The following SPTLC1 variants were observed in gnomAD, a reference collection of about 807,000 sequenced individuals.
SPTLC1 encodes the protein serine palmitoyltransferase long chain base subunit 1.
SPTLC1 carries 55 observed loss-of-function variants against 68.9 expected under a neutral mutation model. That is an observed-to-expected ratio of 0.80 (90% CI 0.64 to 1.00). SPTLC1 has a LOEUF of 1.00. SPTLC1 is among the 50% of genes least tolerant of loss of function. SPTLC1 has a pLI of 0.00. For synonymous variants in SPTLC1, 197 were observed against 201.6 expected (o/e 0.98, Z 0.19); for missense variants, 449 against 573.1 (o/e 0.78, Z 2.21).
chr9:92,055,756 A>C (rs1048250370), intron 7 of SPTLC1, among the ~76,000 whole-genome samples: 1 of 152,194 alleles, frequency 6.6e-6, no homozygotes, highest in African/African-American at 2.4e-5. Flanking sequence ...ATTAAAACAC[A>C]AACAAAACCC....
At chr9:92,054,061 C>T (rs1165661140) in intron 8 of SPTLC1, 1 of 542,020 alleles carries the variant, frequency 1.8e-6, no homozygotes, top group Non-Finnish European at 2.4e-6. Context: ...GAGGGTGGAT[C>T]ACCTGAGGTT....
chr9:92,061,617 T>C (rs1268824185), intron 6 of SPTLC1, among the ~76,000 whole-genome samples: 1 of 152,206 alleles, frequency 6.6e-6, no homozygotes, highest in Non-Finnish European at 1.5e-5. Flanking sequence ...TTTTCTCCTC[T>C]GGAGTCTTCT....
chr9:92,104,387 T>A (rs1398708513), intron 3 of SPTLC1: 1 of 1,401,206 alleles, frequency 7.1e-7, no homozygotes, highest in African/African-American at 1.5e-5. Context: ...CAGCGACATC[T>A]TGGGCCTTCT....
chr9:92,045,395 T>C (rs1465049271), intron 12 of SPTLC1, among the ~76,000 whole-genome samples: 2 of 150,324 alleles, frequency 1.3e-5, no homozygotes, highest in Non-Finnish European at 1.5e-5. Context: ...GTGACTCTTC[T>C]AGATGACAAG....
At chr9:92,092,499 C>T (rs990367297) in intron 3 of SPTLC1, among the ~76,000 whole-genome samples, 4 of 152,048 alleles carry the variant, frequency 2.6e-5, no homozygotes, top group East Asian at 1.9e-4. Context: ...GAGGTTAAGG[C>T]GGGTGGATCA....
rs34640749 is a variant in SPTLC1, at chr9:92,039,656, G to T, written c.1137-1291C>A. Among the ~76,000 whole-genome samples the T allele has an allele frequency of 9.2e-5, 14 of 152,132 alleles. No individual in the cohort carries two copies. In the East Asian group the frequency reaches 2.3e-3, roughly 25 times the overall value. ...TCATTTAGTTTGTTTCACCTAAAAC[G>T]ATTTGTTTTTCCCTCAGAATGAAAT... On this transcript the variant is annotated intron_variant, in intron 12 of 14. Coordinates refer to ENST00000262554, the MANE Select transcript of SPTLC1 (RefSeq NM_006415.4).
chr9:92,058,310 T>C (rs150306698), intron 7 of SPTLC1, among the ~76,000 whole-genome samples: 40 of 152,272 alleles, frequency 2.6e-4, no homozygotes, highest in African/African-American at 9.4e-4. Flanking sequence ...ATTTGGAAAA[T>C]TGAAAATTAA....
At chr9:92,057,832 T>C (rs1255704115) in intron 7 of SPTLC1, among the ~76,000 whole-genome samples, 3 of 152,130 alleles carry the variant, frequency 2.0e-5, no homozygotes, top group Non-Finnish European at 4.4e-5. Context: ...AAAATATAAA[T>C]TAGTAAAAAA....
At chr9:92,103,400 G>A (rs1458491904) in intron 3 of SPTLC1, among the ~76,000 whole-genome samples, 1 of 152,194 alleles carries the variant, frequency 6.6e-6, no homozygotes, top group Non-Finnish European at 1.5e-5. Flanking sequence ...ATGCCACGGT[G>A]CTAAGTACCC....
chr9:92,062,474 A>G (rs1436331680), intron 6 of SPTLC1, among the ~76,000 whole-genome samples: 4 of 152,176 alleles, frequency 2.6e-5, no homozygotes, highest in Admixed American at 2.0e-4. Context: ...AAGACAGAAG[A>G]ACCCAAAAAC....
At chr9:92,074,944 C>A (rs962862084) in intron 5 of SPTLC1, among the ~76,000 whole-genome samples, 1 of 152,120 alleles carries the variant, frequency 6.6e-6, no homozygotes, top group African/African-American at 2.4e-5. Flanking sequence ...CTGACACCCA[C>A]CAGTCCCAAC....
At chr9:92,107,229 G>A (rs1009982160) in intron 3 of SPTLC1, among the ~76,000 whole-genome samples, 13 of 152,092 alleles carry the variant, frequency 8.5e-5, no homozygotes, top group African/African-American at 3.1e-4. Context: ...ATGAGTCTCT[G>A]GTATAAGGAG....
In SPTLC1 at chr9:92,086,399, T is replaced by G. The variant is rs527436489; in HGVS notation, c.261-5436A>C. On this transcript the variant is annotated intron_variant, in intron 3 of 14. Coordinates refer to ENST00000262554, the MANE Select transcript of SPTLC1 (RefSeq NM_006415.4). ...CTGGTACCGGTTGTTCCTTTCCATG[T>G]TTAATGCTTCCTTCAGGAGCTCTTT... Among the ~76,000 whole-genome samples, 325 of 152,354 alleles carry G rather than the reference T, an allele frequency of 2.1e-3. 1 individual carries two copies. Among genetic ancestry groups the G allele is most frequent in the African/African-American group, 7.3e-3 (304 of 41,570 alleles).
At position 92,059,180 on chromosome 9, in the gene SPTLC1, T is replaced by C; in HGVS notation, c.689A>G (p.Lys230Arg). ...TAATTTTCTTCAAAAGAATCATACC[T>C]TTTGATCTTCGATCTCTTGTTCTTT... Reference protein sequence around the residue: ...LLKEQEIEDQKNPRKARVTRR... With the variant: ...LLKEQEIEDQRNPRKARVTRR... Residue 230 changes from lysine to arginine, a missense_variant and splice_region_variant, in exon 7 of 15, where the codon AAG becomes AGG. Coordinates refer to ENST00000262554, the MANE Select transcript of SPTLC1 (RefSeq NM_006415.4). The C allele has an allele frequency of 1.2e-6, 2 of 1,613,504 alleles. No homozygotes were observed. Among genetic ancestry groups the C allele is most frequent in the Non-Finnish European group, 1.7e-6 (2 of 1,179,670 alleles).
chr9:92,050,423 T>G (rs1316809979), intron 8 of SPTLC1: 3 of 303,450 alleles, frequency 9.9e-6, no homozygotes, highest in Admixed American at 9.2e-5. Context: ...GTTGGTGATT[T>G]TGCTATTTAG....
At chr9:92,093,501 A>G (rs1005108214) in intron 3 of SPTLC1, among the ~76,000 whole-genome samples, 1 of 152,238 alleles carries the variant, frequency 6.6e-6, no homozygotes, top group East Asian at 1.9e-4. Flanking sequence ...GAAGAGTCAC[A>G]CTGTTATCAG....
intron 11 of SPTLC1, 61 bp downstream of exon 11, chr9:92,047,111 A>G (rs1235944895): frequency 2.2e-6 from 3 of 1,364,590 alleles, no homozygotes; most frequent in Non-Finnish European, 3.1e-6. Flanking sequence ...TAAGTAAATC[A>G]GTAACACAAC....
intron 8 of SPTLC1, among the ~76,000 whole-genome samples, chr9:92,054,309 A>G (rs1323414724): frequency 6.6e-6 from 1 of 152,164 alleles, no homozygotes; most frequent in Non-Finnish European, 1.5e-5. Context: ...CAAAAAAACA[A>G]AAAAGCAAGC....
chr9:92,110,712 C>A (rs903641446), intron 2 of SPTLC1: 3 of 152,172 alleles, frequency 2.0e-5, no homozygotes, highest in Non-Finnish European at 2.9e-5. Flanking sequence ...TAAATACACT[C>A]ATAATTTTAA....
Sources: allele counts gnomAD v4.1 joint callset (sites outside exome capture counted in the v4.1 genomes callset), GRCh38; gene constraint gnomAD v4.1.1; transcripts MANE v1.5; gene names NCBI Gene and HGNC (gene_info 2026-07-23, HGNC 2026-07-21).